EIF4ENIF1: variants seen among roughly 807,000 people sequenced by gnomAD.
EIF4ENIF1 encodes eukaryotic translation initiation factor 4E nuclear import factor 1, also known as eukaryotic translation initiation factor 4E transporter.
Under a neutral mutation model 110.5 loss-of-function variants are expected in EIF4ENIF1, and 23 were observed. The observed-to-expected ratio is 0.21, with a 90% confidence interval of 0.15 to 0.29. EIF4ENIF1 has a LOEUF of 0.29. Ranked by LOEUF, EIF4ENIF1 falls within the 10% of genes least tolerant of loss-of-function variation. EIF4ENIF1 has a pLI of 1.00. For synonymous variants in EIF4ENIF1, 440 were observed against 437.0 expected (o/e 1.01, Z -0.09); for missense variants, 1,031 against 1,221.1 (o/e 0.84, Z 2.32).
chr22:31,469,623 T>G (rs1194781258), intron 3 of EIF4ENIF1, among the ~76,000 whole-genome samples: 1 of 152,208 alleles, frequency 6.6e-6, no homozygotes, highest in Non-Finnish European at 1.5e-5. Context: ...CTCTCTCCTC[T>G]TTCTTATTTT....
At chr22:31,462,052 A>G (rs954405392) in intron 6 of EIF4ENIF1, among the ~76,000 whole-genome samples, 2 of 152,180 alleles carry the variant, frequency 1.3e-5, no homozygotes, top group Non-Finnish European at 2.9e-5. Context: ...TCATTTTTCT[A>G]CCACGTTTCT....
At chr22:31,459,206 T>G (rs141102454) in intron 6 of EIF4ENIF1, among the ~76,000 whole-genome samples, 25 of 152,164 alleles carry the variant, frequency 1.6e-4, no homozygotes, top group African/African-American at 5.8e-4. Context: ...AGGATTACAG[T>G]AGTGAGCCAC....
chr22:31,462,544 C>T (rs890237333), intron 6 of EIF4ENIF1, among the ~76,000 whole-genome samples: 10 of 152,094 alleles, frequency 6.6e-5, no homozygotes, highest in African/African-American at 1.9e-4. Context: ...ATTTCCTATA[C>T]ATCTGGTGCC....
chr22:31,442,088 C>T lies in EIF4ENIF1; in HGVS notation c.2237G>A (p.Ser746Asn). Residue 746 changes from serine to asparagine, a missense_variant, in exon 17 of 19, where the codon AGT becomes AAT. Physicochemically the swap from Ser to Asn is conservative, Grantham distance 46. Around this residue, in one of 3 missense-constraint regions of EIF4ENIF1, gnomAD observed 309 missense variants for 299.1 expected, o/e 1.03. Coordinates refer to ENST00000330125, the MANE Select transcript of EIF4ENIF1 (RefSeq NM_019843.4). ...ENLLSSSSVPSADRDSSPTTN... is the reference protein window; with the variant it reads ...ENLLSSSSVPNADRDSSPTTN... ...AGTGGGAGAAGAGTCTCGATCGGCACTGGGTACAGAGCTGGATGACAGGAG... is the reference window on the plus strand; with the variant it reads ...AGTGGGAGAAGAGTCTCGATCGGCATTGGGTACAGAGCTGGATGACAGGAG... The T allele has an allele frequency of 1.9e-6, 3 of 1,614,028 alleles. No homozygotes were observed. The highest frequency in any genetic ancestry group is 1.1e-5 in the South Asian group (1 of 91,062).
At chr22:31,487,443 G>T (rs1283706794) in intron 2 of EIF4ENIF1, among the ~76,000 whole-genome samples, 1 of 152,114 alleles carries the variant, frequency 6.6e-6, no homozygotes, top group Non-Finnish European at 1.5e-5. Flanking sequence ...AACAAGAGCT[G>T]GCTTTAAAGC....
chr22:31,442,986 C>T lies in EIF4ENIF1; in HGVS notation c.2182G>A (p.Glu728Lys). Residue 728 changes from glutamate to lysine, a missense_variant, in exon 16 of 19, where the codon GAG (glutamate) becomes AAG (lysine). Physicochemically the swap from Glu to Lys is moderately conservative, Grantham distance 56. Around this residue, in one of 3 missense-constraint regions of EIF4ENIF1, gnomAD observed 309 missense variants for 299.1 expected, o/e 1.03. Coordinates refer to ENST00000330125, the MANE Select transcript of EIF4ENIF1 (RefSeq NM_019843.4). ...CCTTCACTGGCCTTCTGAGTATCCT[C>T]TTTACTGTCACCAAGAGCTGCTTTT... ...SGKAALGDSKEDTQKASEENL... is the reference protein window; with the variant it reads ...SGKAALGDSKKDTQKASEENL... 1 of 1,614,106 alleles carries T rather than the reference C, an allele frequency of 6.2e-7. No individual in the cohort carries two copies. The highest frequency in any genetic ancestry group is 8.5e-7 in the Non-Finnish European group (1 of 1,179,970).
chr22:31,478,169 G>A (rs2051661205), intron 2 of EIF4ENIF1, among the ~76,000 whole-genome samples: 1 of 152,132 alleles, frequency 6.6e-6, no homozygotes, highest in Admixed American at 6.6e-5. Flanking sequence ...TGGTATCCCA[G>A]CACAAGAAGA....
chr22:31,449,823 C>T (rs1213013369), intron 11 of EIF4ENIF1, among the ~76,000 whole-genome samples: 2 of 151,790 alleles, frequency 1.3e-5, no homozygotes, highest in African/African-American at 4.8e-5. Context: ...CTCTGCCTAC[C>T]GGGTTCAAGC....
chr22:31,482,344 C>T (rs1168473379), intron 2 of EIF4ENIF1, among the ~76,000 whole-genome samples: 2 of 152,084 alleles, frequency 1.3e-5, no homozygotes, highest in Admixed American at 6.6e-5. Flanking sequence ...TGGCAAAACA[C>T]AGGAGCAAAG....
chr22:31,455,197 T>C lies in EIF4ENIF1; in HGVS notation c.1218A>G (p.Lys406=), dbSNP rs143777901. ...TGGAAAGAAGAGGTTTCAAATCCAC[T>C]TTGGCTTTCTGTAGCATTTCTAAAA... The part of the protein sequence containing the change: ...VDILEMLQKA[K]VDLKPLLSSL... Residue 406 remains lysine, a synonymous_variant, in exon 9 of 19, where the codon AAA becomes AAG. Coordinates refer to ENST00000330125, the MANE Select transcript of EIF4ENIF1 (RefSeq NM_019843.4). 6.2e-7 allele frequency: 1 copy of C among 1,613,946 alleles called. No individual in the cohort carries two copies. Among genetic ancestry groups the C allele is most frequent in the African/African-American group, 1.3e-5 (1 of 75,038 alleles).
chr22:31,464,690 AAAAAAAAAAATATATATATAT>A lies in EIF4ENIF1; in HGVS notation c.299-744_299-724del, dbSNP rs1382068758. The stretch of plus-strand genomic sequence containing the variant: ...GATTCAGTCTCAAAAAAAAAAAAAA[AAAAAAAAAAATATATATATAT>A]ATATATATATATATAAACAGATATA... On this transcript the variant is annotated intron_variant, in intron 4 of 18. Coordinates refer to ENST00000330125, the MANE Select transcript of EIF4ENIF1 (RefSeq NM_019843.4). Among the ~76,000 whole-genome samples, 6 of 77,530 alleles carry A rather than the reference AAAAAAAAAAATATATATATAT, an allele frequency of 7.7e-5. No individual in the cohort carries two copies. In the East Asian group the frequency reaches 2.1e-3, roughly 27 times the overall value. 50.9% of individuals were successfully genotyped at this position (77,530 alleles called of 152,430 possible). A position where few individuals can be genotyped will look rare whatever the true frequency, so the allele number is the denominator to read the frequency against.
chr22:31,454,074 CT>C, intron 10 of EIF4ENIF1, 69 bp downstream of exon 10: 1 of 1,409,654 alleles, frequency 7.1e-7, no homozygotes, highest in Non-Finnish European at 9.8e-7. Flanking sequence ...TTTAAAAATC[CT>C]TTTATTGTGG....
At chr22:31,481,401 A>G (rs1030248886) in intron 2 of EIF4ENIF1, among the ~76,000 whole-genome samples, 1 of 151,676 alleles carries the variant, frequency 6.6e-6, no homozygotes, top group African/African-American at 2.4e-5. Context: ...GACTCAATTC[A>G]TCCTCCCACC....
intron 2 of EIF4ENIF1, among the ~76,000 whole-genome samples, chr22:31,487,100 TTTCCC>T (rs1281121738): frequency 6.6e-6 from 1 of 152,102 alleles, no homozygotes; most frequent in African/African-American, 2.4e-5. Context: ...AAGATTTTCT[TTTCCC>T]TTCATTTGAT....
rs565283140 is a variant in EIF4ENIF1, at chr22:31,448,838, A to G, written c.1768+510T>C. On this transcript the variant is annotated intron_variant, in intron 12 of 18. Transcript: ENST00000330125. ...ACACTGACTTCTACTATATCAAAGA[A>G]AAACTTAAGAAGCCAAATTAACTTT... 5.2e-4 allele frequency among the ~76,000 whole-genome samples: 79 copies of G among 152,340 alleles called. 1 individual carries two copies. The South Asian group carries it at 0.016, about 31-fold the overall frequency.
At chr22:31,488,538 C>G (rs1260352756) in intron 2 of EIF4ENIF1, 85 bp downstream of exon 2, 1 of 1,559,970 alleles carries the variant, frequency 6.4e-7, no homozygotes, top group Non-Finnish European at 8.8e-7. Flanking sequence ...ATGAGATTAC[C>G]ACTTAATAGG....
At chr22:31,442,189 T>G in intron 16 of EIF4ENIF1, 71 bp from the exon 17 acceptor site, 1 of 1,175,650 alleles carries the variant, frequency 8.5e-7, no homozygotes, top group Non-Finnish European at 1.2e-6. Context: ...ACTGGTCTAA[T>G]AAATCTCATT....
intron 3 of EIF4ENIF1, among the ~76,000 whole-genome samples, chr22:31,470,685 C>CTTTTT (rs1174357066): frequency 1.6e-5 from 2 of 122,080 alleles, no homozygotes; most frequent in African/African-American, 3.1e-5. Flanking sequence ...TTAAATAGGA[C>CTTTTT]TTTTTTTTTT....
At chr22:31,468,828 C>G (rs899081003) in intron 3 of EIF4ENIF1, among the ~76,000 whole-genome samples, 2 of 152,204 alleles carry the variant, frequency 1.3e-5, no homozygotes, top group Non-Finnish European at 1.5e-5. Flanking sequence ...CACTTGAAAA[C>G]TAATGGTCTG....
Sources: gnomAD v4.1 joint callset for allele counts (sites outside exome capture counted in the v4.1 genomes callset) on GRCh38, gnomAD v4.1.1 for gene constraint, gnomAD v4.1.1 regional missense constraint, MANE v1.5 for transcripts, NCBI Gene and HGNC (gene_info 2026-07-23, HGNC 2026-07-21) for gene names.